Variants in CRTAM observed in about 807,000 individuals in gnomAD.
The protein encoded by CRTAM is cytotoxic and regulatory T-cell molecule.
CRTAM carries 44 observed loss-of-function variants against 50.0 expected under a neutral mutation model. The ratio of observed to expected loss-of-function variants is 0.88; its 90% CI spans 0.69 to 1.13. CRTAM has a LOEUF of 1.13. Among genes scored for constraint, CRTAM ranks in the 50% most tolerant of loss-of-function variants. The probability of loss-of-function intolerance (pLI) is 0.00; values close to 1 mark genes in which losing one functional copy is unlikely to be tolerated. For missense variants in CRTAM, 448 were observed against 457.5 expected (o/e 0.98, Z 0.19); for synonymous variants, 159 against 169.3 (o/e 0.94, Z 0.47).
chr11:122,860,900 T>A (rs911913217), intron 5 of CRTAM, among the ~76,000 whole-genome samples: 1 of 152,194 alleles, frequency 6.6e-6, no homozygotes, highest in African/African-American at 2.4e-5. Flanking sequence ...TCTTGCCATG[T>A]TGCCTAGGCT....
chr11:122,864,584 T>C (rs1862143212), intron 6 of CRTAM, 52 bp from the exon 7 acceptor site: 1 of 1,282,622 alleles, frequency 7.8e-7, no homozygotes, highest in South Asian at 1.2e-5. Context: ...TTGTATGTAG[T>C]CACATGTATA....
chr11:122,845,850 A>G (rs1183216763), intron 1 of CRTAM, among the ~76,000 whole-genome samples: 1 of 152,034 alleles, frequency 6.6e-6, no homozygotes, highest in Non-Finnish European at 1.5e-5. Flanking sequence ...TGAGAATGAC[A>G]GTTTTTTTTC....
intron 8 of CRTAM, among the ~76,000 whole-genome samples, 171 bp from the exon 9 acceptor site, chr11:122,867,842 A>G (rs1244482731): frequency 1.3e-5 from 2 of 152,234 alleles, no homozygotes; most frequent in African/African-American, 4.8e-5. Flanking sequence ...ACTGCCTAGC[A>G]CAGTCCCTAC....
In CRTAM at chr11:122,838,600, C is replaced by CT; in HGVS notation, c.46+10dup. ...CATGGTTCCCCTTGCAAGGTAAGGA[C>CT]TTAGAGTTATTTTTGTTGTTGCTCA... On this transcript the variant is annotated intron_variant, in intron 1 of 9. Transcript: ENST00000227348. 6.2e-7 allele frequency: 1 copy of CT among 1,613,864 alleles called. No individual in the cohort carries two copies. Among genetic ancestry groups the CT allele is most frequent in the Non-Finnish European group, 8.5e-7 (1 of 1,179,730 alleles).
intron 5 of CRTAM, 165 bp from the exon 6 acceptor site, chr11:122,862,299 A>G: frequency 1.6e-6 from 1 of 612,282 alleles, no homozygotes; most frequent in Non-Finnish European, 2.9e-6. Flanking sequence ...TGGGATACAG[A>G]TTCAAAAACC....
intron 6 of CRTAM, 138 bp from the exon 7 acceptor site, chr11:122,864,498 T>C (rs537407059): frequency 1.8e-6 from 1 of 562,332 alleles, no homozygotes; most frequent in South Asian, 2.4e-5. Context: ...AAGAAATCCA[T>C]AGTTCACAAA....
intron 3 of CRTAM, among the ~76,000 whole-genome samples, chr11:122,852,496 T>C (rs1565289203): frequency 6.6e-6 from 1 of 152,234 alleles, no homozygotes; most frequent in Non-Finnish European, 1.5e-5. Context: ...TTGCTTTTTA[T>C]TGATCTCTAA....
intron 9 of CRTAM, among the ~76,000 whole-genome samples, chr11:122,868,446 G>A (rs1862211351): frequency 6.6e-6 from 1 of 151,690 alleles, no homozygotes; most frequent in South Asian, 2.1e-4. Context: ...GAGAGAGGAG[G>A]GAGTGTATTC....
intron 5 of CRTAM, among the ~76,000 whole-genome samples, chr11:122,856,393 G>A (rs1862008392): frequency 6.6e-6 from 1 of 152,222 alleles, no homozygotes; most frequent in African/African-American, 2.4e-5. Flanking sequence ...TAAATGTGAA[G>A]AGGAGTTGCC....
rs34706597 is a variant in CRTAM at position 122,871,372 on chromosome 11, C to A, written c.1155C>A (p.His385Gln). ...AACATTCAAAATTAGAAGAAAAGCA[C>A]ATCCAAGTACCAGAGAGTATTGTGT... Reference protein sequence around the residue: ...NVQHSKLEEKHIQVPESIV With the variant: ...NVQHSKLEEKQIQVPESIV Residue 385 changes from histidine to glutamine, a missense_variant, in exon 10 of 10, where the codon CAC becomes CAA. Physicochemically the swap from His to Gln is conservative, Grantham distance 24. Transcript: ENST00000227348. 1.1e-5 allele frequency: 17 copies of A among 1,613,678 alleles called. No individual in the cohort carries two copies. Among genetic ancestry groups the A allele is most frequent in the Middle Eastern group, 1.7e-4 (1 of 5,974 alleles).
chr11:122,866,785 T>C (rs1283930293), intron 7 of CRTAM, among the ~76,000 whole-genome samples: 1 of 151,838 alleles, frequency 6.6e-6, no homozygotes, highest in Non-Finnish European at 1.5e-5. Flanking sequence ...TTATTATTAT[T>C]ATTTTTGTAG....
chr11:122,867,367 A>T, intron 7 of CRTAM, 42 bp from the exon 8 acceptor site: 1 of 1,565,266 alleles, frequency 6.4e-7, no homozygotes, highest in Non-Finnish European at 8.6e-7. Flanking sequence ...AAAAAAAAAA[A>T]AAACCCAAAG....
intron 7 of CRTAM, 92 bp downstream of exon 7, chr11:122,864,811 T>C: frequency 1.1e-6 from 1 of 905,780 alleles, no homozygotes; most frequent in Admixed American, 1.9e-5. Context: ...CTCCCTTTTC[T>C]TGACCTTTCT....
intron 5 of CRTAM, among the ~76,000 whole-genome samples, chr11:122,860,228 A>G (rs1862054199): frequency 6.6e-6 from 1 of 151,838 alleles, no homozygotes. Flanking sequence ...TTGTGTTTTT[A>G]TTAGTAGAGT....
Position 122,851,746 on chromosome 11 carries a change from A to G in CRTAM, c.247A>G (p.Ile83Val). 1 of 1,614,152 alleles carries G rather than the reference A, an allele frequency of 6.2e-7. No individual in the cohort carries two copies. Among genetic ancestry groups the G allele is most frequent in the Non-Finnish European group, 8.5e-7 (1 of 1,180,012 alleles). Residue 83 changes from isoleucine (I) to valine (V), a missense_variant, in exon 3 of 10, where the codon ATC (isoleucine) becomes GTC (valine). Coordinates refer to ENST00000227348, the MANE Select transcript of CRTAM (RefSeq NM_019604.4). ...LLHHSANQLS[I>V]TVPNVTLQDE... is the part of the protein sequence containing the mutation. Reference sequence around the variant, plus strand: ...TCATCACTCGGCCAATCAGCTCTCCATCACTGTGCCTAACGTAACCCTGCA... The same window carrying G: ...TCATCACTCGGCCAATCAGCTCTCCGTCACTGTGCCTAACGTAACCCTGCA...
In CRTAM at chr11:122,851,567, G is replaced by A. The variant is rs1361653476; in HGVS notation, c.194-126G>A. On this transcript the variant is annotated intron_variant, in intron 2 of 9. Transcript: ENST00000227348. ...TACCTTCCCGTGGAGATAGGACAAT[G>A]TCTGGAGATAGTTTTGATTGTGCCA... 5 of 836,868 alleles carry A rather than the reference G, an allele frequency of 6.0e-6. No homozygotes were observed. The East Asian group carries it at 9.8e-5, about 16-fold the overall frequency. 51.8% of individuals were successfully genotyped at this position (836,868 alleles called of 1,614,324 possible). A position where few individuals can be genotyped will look rare whatever the true frequency, so the allele number is the denominator to read the frequency against.
At chr11:122,864,470 A>G in intron 6 of CRTAM, 166 bp from the exon 7 acceptor site, 2 of 556,498 alleles carry the variant, frequency 3.6e-6, no homozygotes, top group Non-Finnish European at 6.4e-6. Context: ...GAGCCTAGCC[A>G]TTTGCAATTA....
chr11:122,862,508 C>T lies in CRTAM; in HGVS notation c.697C>T (p.Leu233=). Residue 233 remains leucine, a synonymous_variant, in exon 6 of 10, where the codon CTA becomes TTA. Transcript: ENST00000227348. ...TTCAGATGCTCTGGAGAGAAACTCT[C>T]TATCCTCTCAAGACCCACAGCAGCC... ...TASDALERNS[L]SSQDPQQPTS... is the part of the protein sequence containing the mutation. The T allele has an allele frequency of 6.2e-7, 1 of 1,613,164 alleles. No individual in the cohort carries two copies. The highest frequency in any genetic ancestry group is 8.5e-7 in the Non-Finnish European group (1 of 1,179,114).
intron 1 of CRTAM, among the ~76,000 whole-genome samples, chr11:122,847,441 T>C (rs2370796): frequency 0.056 from 8,487 of 152,244 alleles, 563 homozygotes; most frequent in East Asian, 0.32. Context: ...ATAAGACTGA[T>C]GTAGGGAGAA....
Sources: gnomAD v4.1 joint callset for allele counts (sites outside exome capture counted in the v4.1 genomes callset) on GRCh38, gnomAD v4.1.1 for gene constraint, MANE v1.5 for transcripts, NCBI Gene and HGNC (gene_info 2026-07-23, HGNC 2026-07-21) for gene names.